UNC13B: variants seen among roughly 807,000 people sequenced by gnomAD.
The protein encoded by UNC13B is unc-13 homolog B.
A neutral mutation model predicts 211.0 loss-of-function variants in UNC13B; 144 were observed. The ratio of observed to expected loss-of-function variants is 0.68; its 90% confidence interval spans 0.60 to 0.78. UNC13B has a LOEUF of 0.78. UNC13B is among the 30% of genes least tolerant of loss of function. The pLI, the probability that UNC13B is intolerant of heterozygous loss-of-function variation, is 0.00. For missense variants in UNC13B, 1,777 were observed against 2,002.0 expected, an observed-to-expected ratio of 0.89 and a Z score of 2.14; for synonymous variants, 709 against 725.8, an observed-to-expected ratio of 0.98 and a Z score of 0.37.
At chr9:35,367,121 T>C in intron 12 of UNC13B, 128 bp downstream of exon 12, 1 of 934,652 alleles carries the variant, frequency 1.1e-6, no homozygotes, top group Non-Finnish European at 1.7e-6. Context: ...GGTTCCACTA[T>C]AGGTTGGTTG....
chr9:35,390,748 C>G, intron 26 of UNC13B, 34 bp downstream of exon 26: 1 of 1,587,910 alleles, frequency 6.3e-7, no homozygotes, highest in Middle Eastern at 1.7e-4. Context: ...GGCTGCCAGG[C>G]TCCTAGCCCA....
intron 1 of UNC13B, among the ~76,000 whole-genome samples, chr9:35,211,527 A>G (rs866773242): frequency 7.3e-4 from 111 of 152,338 alleles, no homozygotes; most frequent in African/African-American, 2.6e-3. Context: ...GGCTGATTCT[A>G]ACATTTTACT....
chr9:35,307,068 T>C lies in UNC13B; in HGVS notation c.7664T>C (p.Phe2555Ser). The C allele has an allele frequency of 2.5e-6, 1 of 399,014 alleles. No homozygotes were observed. The highest frequency in any genetic ancestry group is 6.3e-4 in the Middle Eastern group (1 of 1,588). 24.7% of individuals were successfully genotyped at this position (399,014 alleles called of 1,614,324 possible). ...SVPPERREAA[F>S]TALSSESTLS... Reference sequence around the variant, plus strand: ...CCTCCAGAAAGGAGAGAAGCTGCCTTTACAGCACTAAGTTCAGAATCTACT... The same window carrying C: ...CCTCCAGAAAGGAGAGAAGCTGCCTCTACAGCACTAAGTTCAGAATCTACT... Residue 2555 changes from phenylalanine (F) to serine (S), a missense_variant, in exon 9 of 40, where the codon TTT becomes TCT. Physicochemically the swap from Phe to Ser is radical, Grantham distance 155. Transcript: ENST00000635942.
chr9:35,366,550 T>C (rs901117844), intron 11 of UNC13B, among the ~76,000 whole-genome samples: 2 of 152,178 alleles, frequency 1.3e-5, no homozygotes, highest in Non-Finnish European at 2.9e-5. Flanking sequence ...GGAATATAGC[T>C]GGAAGAAGAC....
At chr9:35,294,311 CTT>C (rs397955364) in intron 7 of UNC13B, among the ~76,000 whole-genome samples, 3 of 146,326 alleles carry the variant, frequency 2.1e-5, no homozygotes, top group Non-Finnish European at 3.0e-5. Context: ...ACAAGATTAT[CTT>C]TTTTTTTTTT....
At chr9:35,168,406 T>C (rs536754510) in intron 1 of UNC13B, among the ~76,000 whole-genome samples, 2 of 152,110 alleles carry the variant, frequency 1.3e-5, no homozygotes, top group African/African-American at 4.8e-5. Context: ...TCCCACTCCA[T>C]AGATGGTTTT....
chr9:35,279,351 C>T lies in UNC13B; in HGVS notation c.527-16345C>T, dbSNP rs900547083. On this transcript the variant is annotated intron_variant, in intron 7 of 39. Transcript: ENST00000635942. ...GCATAATGTTTTTGAGGTGCATTCA[C>T]CATTGTGGCATGTATCAGTCCTTTA... Among the ~76,000 whole-genome samples the T allele has an allele frequency of 2.0e-5, 3 of 152,176 alleles. No homozygotes were observed. The East Asian group carries it at 5.8e-4, about 29-fold the overall frequency.
chr9:35,344,831 A>C (rs1832250373), intron 11 of UNC13B, among the ~76,000 whole-genome samples: 1 of 152,160 alleles, frequency 6.6e-6, no homozygotes, highest in African/African-American at 2.4e-5. Context: ...CACCCTCTAA[A>C]GGGTTTGTCC....
rs1032255898 is a variant in UNC13B at position 35,304,931 on chromosome 9, T to C, written c.5527T>C (p.Leu1843=). The part of the protein sequence containing the change: ...LIKNIRQEFS[L]NKNNHVKKQS... ...CAAAAATATAAGGCAAGAATTCTCT[T>C]TAAATAAAAACAACCATGTGAAAAA... The change falls in exon 9 of 40, where the codon TTA becomes CTA. Residue 1843 remains leucine, a synonymous_variant. Transcript: ENST00000635942. 2.3e-5 allele frequency: 9 copies of C among 398,938 alleles called. No homozygotes were observed. The highest frequency in any genetic ancestry group is 3.5e-5 in the Non-Finnish European group (8 of 226,000). The allele number at this position is 398,938 out of a possible 1,614,324, so 24.7% of individuals were successfully genotyped here.
chr9:35,374,525 T>C (rs56372437), intron 13 of UNC13B, among the ~76,000 whole-genome samples: 2 of 151,946 alleles, frequency 1.3e-5, no homozygotes, highest in African/African-American at 2.4e-5. Context: ...TATGCAAGAG[T>C]GTGGCTAGCA....
intron 21 of UNC13B, among the ~76,000 whole-genome samples, chr9:35,382,928 C>T (rs374696113): frequency 6.6e-6 from 1 of 152,102 alleles, no homozygotes; most frequent in South Asian, 2.1e-4. Context: ...AGATAGCTAC[C>T]ATTTTGATAG....
intron 6 of UNC13B, among the ~76,000 whole-genome samples, chr9:35,257,080 C>G (rs2131615850): frequency 6.6e-6 from 1 of 151,942 alleles, no homozygotes; most frequent in South Asian, 2.1e-4. Flanking sequence ...TATGTACTGT[C>G]TACAAAAATC....
chr9:35,183,078 C>CCA (rs1822043206), intron 1 of UNC13B, among the ~76,000 whole-genome samples: 4 of 103,248 alleles, frequency 3.9e-5, no homozygotes, highest in Middle Eastern at 4.8e-3. Flanking sequence ...AGGCGCTCCT[C>CCA]ACCTCCCAGA....
intron 11 of UNC13B, among the ~76,000 whole-genome samples, chr9:35,356,256 A>G (rs1833013564): frequency 6.6e-6 from 1 of 152,164 alleles, no homozygotes; most frequent in African/African-American, 2.4e-5. Flanking sequence ...ATTCAGTATC[A>G]CAGAGACTAC....
intron 11 of UNC13B, among the ~76,000 whole-genome samples, chr9:35,326,933 T>C (rs1831051747): frequency 6.6e-6 from 1 of 152,356 alleles, no homozygotes; most frequent in African/African-American, 2.4e-5. Flanking sequence ...TGTTGAGTTG[T>C]AAGAGTTCTT....
Position 35,310,450 on chromosome 9 carries a change from T to C in UNC13B, c.9009-17T>C, listed in dbSNP as rs771093707. ...ATTGCATTTATTTACTTATCTGTCT[T>C]TCTGTCATTCTCACAGCCCCACCAG... On this transcript the variant is annotated splice_polypyrimidine_tract_variant and intron_variant, in intron 9 of 39. Transcript: ENST00000635942. The C allele has an allele frequency of 4.5e-5, 72 of 1,609,824 alleles. No homozygotes were observed. In the Middle Eastern group the frequency reaches 6.6e-4, roughly 15 times the overall value.
intron 11 of UNC13B, among the ~76,000 whole-genome samples, chr9:35,316,139 T>C (rs751804232): frequency 2.6e-5 from 4 of 152,220 alleles, no homozygotes; most frequent in Non-Finnish European, 5.9e-5. Flanking sequence ...ACCAGCTAAG[T>C]AGCCGTCTCC....
chr9:35,279,263 C>T (rs1828350081), intron 7 of UNC13B, among the ~76,000 whole-genome samples: 1 of 152,170 alleles, frequency 6.6e-6, no homozygotes, highest in African/African-American at 2.4e-5. Flanking sequence ...TTTACCCATT[C>T]TCGATATTTC....
intron 7 of UNC13B, among the ~76,000 whole-genome samples, chr9:35,272,464 G>C (rs1397402828): frequency 1.3e-5 from 2 of 151,928 alleles, no homozygotes; most frequent in Non-Finnish European, 2.9e-5. Flanking sequence ...CACCATGTTG[G>C]CCAGGCTGGC....
Sources: allele counts gnomAD v4.1 joint callset (sites outside exome capture counted in the v4.1 genomes callset), GRCh38; gene constraint gnomAD v4.1.1; transcripts MANE v1.5; gene names NCBI Gene and HGNC (gene_info 2026-07-23, HGNC 2026-07-21).